GTF2IRD1: variants seen among roughly 807,000 people sequenced by gnomAD.
The protein encoded by GTF2IRD1 is GTF2I repeat domain containing 1.
A neutral mutation model predicts 113.2 loss-of-function variants in GTF2IRD1; 26 were observed. That is an observed-to-expected ratio of 0.23 (90% confidence interval 0.17 to 0.32). The LOEUF is 0.32. Ranked by LOEUF, GTF2IRD1 falls within the 10% of genes least tolerant of loss-of-function variation. The pLI is 1.00. For synonymous variants in GTF2IRD1, 484 were observed against 529.1 expected (o/e 0.91, Z 1.17); for missense variants, 864 against 1,280.8 (o/e 0.67, Z 4.97).
intron 1 of GTF2IRD1, among the ~76,000 whole-genome samples, chr7:74,483,488 A>G (rs1426220177): frequency 6.6e-6 from 1 of 152,078 alleles, no homozygotes; most frequent in African/African-American, 2.4e-5. Context: ...TGAGGCTGCA[A>G]TGAGCTATGA....
chr7:74,501,750 C>T (rs1254386307), intron 1 of GTF2IRD1, among the ~76,000 whole-genome samples: 4 of 152,124 alleles, frequency 2.6e-5, no homozygotes, highest in African/African-American at 7.2e-5. Context: ...CTCCTGGGTT[C>T]GAGCGATTCT....
Position 74,545,814 on chromosome 7 carries a change from G to T in GTF2IRD1, c.1732+5G>T. On this transcript the variant is annotated splice_donor_5th_base_variant and intron_variant, in intron 16 of 26. Coordinates refer to ENST00000424337, the MANE Select transcript of GTF2IRD1 (RefSeq NM_005685.4). ...TGCTCTTCAACACACGATACGGTGA[G>T]CAAGAAGTGGGACAGGGTCTGGGGG... 6.2e-7 allele frequency: 1 copy of T among 1,609,096 alleles called. No homozygotes were observed. The highest frequency in any genetic ancestry group is 8.5e-7 in the Non-Finnish European group (1 of 1,175,550).
chr7:74,533,575 G>A (rs1479923363), intron 9 of GTF2IRD1, among the ~76,000 whole-genome samples: 2 of 152,188 alleles, frequency 1.3e-5, no homozygotes, highest in African/African-American at 2.4e-5. Context: ...GTAGAGGCCA[G>A]GTGCCTGAGG....
chr7:74,467,083 G>A (rs1793769143), intron 1 of GTF2IRD1, among the ~76,000 whole-genome samples: 2 of 151,840 alleles, frequency 1.3e-5, no homozygotes, highest in Admixed American at 6.6e-5. Flanking sequence ...CCAGTAGCTG[G>A]GACCACATGC....
At chr7:74,515,977 C>T (rs1184516363) in intron 4 of GTF2IRD1, among the ~76,000 whole-genome samples, 4 of 152,168 alleles carry the variant, frequency 2.6e-5, no homozygotes, top group African/African-American at 7.2e-5. Context: ...CCACAGCCTT[C>T]GGGGGCTCCC....
At chr7:74,461,977 A>G (rs1554329398) in intron 1 of GTF2IRD1, among the ~76,000 whole-genome samples, 1 of 152,226 alleles carries the variant, frequency 6.6e-6, no homozygotes, top group Non-Finnish European at 1.5e-5. Flanking sequence ...ACCCCCGTCA[A>G]GACATAGAAC....
Position 74,512,075 on chromosome 7 carries a change from C to T in GTF2IRD1, c.124-755C>T, listed in dbSNP as rs12154266. On this transcript the variant is annotated intron_variant, in intron 2 of 26. Transcript: ENST00000424337. The surrounding 1 kb of genome is among the most constrained non-coding windows in gnomAD (Gnocchi z 4.4). ...ATTCTATAGACGTGGAAACTGGCCACGCAGAGTGGCTCACGCCTGTAATCC... is the reference window on the plus strand; with the variant it reads ...ATTCTATAGACGTGGAAACTGGCCATGCAGAGTGGCTCACGCCTGTAATCC... 0.16 allele frequency among the ~76,000 whole-genome samples: 25,049 copies of T among 152,168 alleles called. 2,209 individuals carry two copies. The highest frequency in any genetic ancestry group is 0.21 in the Middle Eastern group (62 of 294).
chr7:74,600,312 G>A (rs188602142), intron 25 of GTF2IRD1, among the ~76,000 whole-genome samples: 10 of 152,090 alleles, frequency 6.6e-5, no homozygotes, highest in East Asian at 1.9e-4. Flanking sequence ...CCAGCTACTC[G>A]GGAACCTGAG....
At chr7:74,485,345 C>T (rs951239706) in intron 1 of GTF2IRD1, among the ~76,000 whole-genome samples, 6 of 152,100 alleles carry the variant, frequency 3.9e-5, no homozygotes, top group African/African-American at 1.2e-4. Flanking sequence ...TGGCTGGGTG[C>T]GGTGGCTCAC....
At chr7:74,546,542 T>C (rs1323329443) in intron 16 of GTF2IRD1, among the ~76,000 whole-genome samples, 1 of 152,040 alleles carries the variant, frequency 6.6e-6, no homozygotes, top group Non-Finnish European at 1.5e-5. Context: ...TTGTATCCCA[T>C]CTCACAAAAT....
chr7:74,472,521 A>G (rs1201883189), intron 1 of GTF2IRD1, among the ~76,000 whole-genome samples: 1 of 152,142 alleles, frequency 6.6e-6, no homozygotes, highest in Non-Finnish European at 1.5e-5. Context: ...CCGAGGCAGG[A>G]GGATCACTTG....
chr7:74,467,694 T>G (rs970686860), intron 1 of GTF2IRD1, among the ~76,000 whole-genome samples: 1 of 151,786 alleles, frequency 6.6e-6, no homozygotes, highest in African/African-American at 2.4e-5. Flanking sequence ...TGTATTTAAT[T>G]TTTTATTTTT....
At position 74,555,183 on chromosome 7, in the gene GTF2IRD1, G is replaced by A. The variant is rs1219921043; in HGVS notation, c.1926G>A (p.Leu642=). 6 of 1,613,592 alleles carry A rather than the reference G, an allele frequency of 3.7e-6. No homozygotes were observed. In the Admixed American group the frequency reaches 1.0e-4, roughly 27 times the overall value. The part of the protein sequence containing the change: ...SIQFVIKRPE[L]LTEGVKEPIM... Reference sequence around the variant, plus strand: ...CGCTTGTGTTTTCCAGGCCCGAGCTGCTCACTGAGGGAGTCAAAGAGCCCA... The same window carrying A: ...CGCTTGTGTTTTCCAGGCCCGAGCTACTCACTGAGGGAGTCAAAGAGCCCA... The change falls in exon 18 of 27, where the codon CTG becomes CTA. Residue 642 remains leucine (L), a synonymous_variant. Transcript: ENST00000424337. The surrounding 1 kb of genome is among the most constrained non-coding windows in gnomAD (Gnocchi z 5.3).
At chr7:74,482,972 G>A (rs1763993384) in intron 1 of GTF2IRD1, among the ~76,000 whole-genome samples, 1 of 152,192 alleles carries the variant, frequency 6.6e-6, no homozygotes, top group Non-Finnish European at 1.5e-5. Flanking sequence ...AAGAAATAAA[G>A]TTTATTTCCC....
chr7:74,519,583 G>C lies in GTF2IRD1; in HGVS notation c.780G>C (p.Thr260=), dbSNP rs144465935. The C allele has an allele frequency of 1.2e-6, 2 of 1,612,468 alleles. No homozygotes were observed. Among genetic ancestry groups the C allele is most frequent in the Non-Finnish European group, 1.7e-6 (2 of 1,179,724 alleles). Reference sequence around the variant, plus strand: ...CCATGGCCAGCTTCCTGTACAGCACGGCGCTCCCCAACCACGCCATCCGAG... The same window carrying C: ...CCATGGCCAGCTTCCTGTACAGCACCGCGCTCCCCAACCACGCCATCCGAG... ...SSSMASFLYS[T]ALPNHAIREL... Residue 260 remains threonine, a synonymous_variant, in exon 6 of 27, where the codon ACG becomes ACC. Coordinates refer to ENST00000424337, the MANE Select transcript of GTF2IRD1 (RefSeq NM_005685.4).
At chr7:74,534,028 CAAA>C (rs113839129) in intron 9 of GTF2IRD1, among the ~76,000 whole-genome samples, 2 of 117,230 alleles carry the variant, frequency 1.7e-5, no homozygotes, top group African/African-American at 3.2e-5. Flanking sequence ...GACCCCAACT[CAAA>C]AAAAAAAAAA....
intron 22 of GTF2IRD1, among the ~76,000 whole-genome samples, chr7:74,587,981 C>T (rs1801819057): frequency 6.6e-6 from 1 of 152,150 alleles, no homozygotes; most frequent in African/African-American, 2.4e-5. Flanking sequence ...TTTCCAACAG[C>T]CCAGCACAGT....
chr7:74,456,020 C>G (rs1298833010), intron 1 of GTF2IRD1, among the ~76,000 whole-genome samples: 1 of 152,206 alleles, frequency 6.6e-6, no homozygotes, highest in Non-Finnish European at 1.5e-5. Flanking sequence ...GGAGAAGGGT[C>G]ATTTATTTGC....
chr7:74,498,588 C>T (rs10253050), intron 1 of GTF2IRD1, among the ~76,000 whole-genome samples: 2 of 151,974 alleles, frequency 1.3e-5, no homozygotes, highest in Non-Finnish European at 2.9e-5. Context: ...CTCAGGGAAG[C>T]CTTATTTGTC....
Sources: gnomAD v4.1 joint callset for allele counts (sites outside exome capture counted in the v4.1 genomes callset) on GRCh38, gnomAD v4.1.1 for gene constraint, Gnocchi (gnomAD v3.1) non-coding constraint, MANE v1.5 for transcripts, NCBI Gene and HGNC (gene_info 2026-07-23, HGNC 2026-07-21) for gene names.